Variants in GDPD4 observed in about 807,000 individuals in gnomAD.
GDPD4 encodes glycerophosphodiester phosphodiesterase domain containing 4.
A neutral mutation model predicts 67.8 loss-of-function variants in GDPD4; 60 were observed. That is an observed-to-expected ratio of 0.88 (90% CI 0.72 to 1.10). The LOEUF (loss-of-function observed/expected upper bound fraction) is 1.10, where lower values mean the gene tolerates loss of function less well. Ranked by LOEUF, GDPD4 falls within the 50% of genes least tolerant of loss-of-function variation. GDPD4 has a pLI of 0.00. For synonymous variants in GDPD4, 212 were observed against 210.9 expected, an observed-to-expected ratio of 1.00 and a Z score of -0.04; for missense variants, 623 against 613.9, an observed-to-expected ratio of 1.01 and a Z score of -0.16.
chr11:77,229,574 A>T (rs1165677071), intron 14 of GDPD4, among the ~76,000 whole-genome samples: 2 of 152,216 alleles, frequency 1.3e-5, no homozygotes, highest in Non-Finnish European at 2.9e-5. Context: ...CTTGACTTCT[A>T]CTGCTGTTTT....
At chr11:77,242,733 G>A (rs956404545) in intron 13 of GDPD4, among the ~76,000 whole-genome samples, 18 of 151,760 alleles carry the variant, frequency 1.2e-4, no homozygotes, top group Non-Finnish European at 1.8e-4. Flanking sequence ...CAAAATAGAA[G>A]AGTAGTTGAG....
intron 13 of GDPD4, among the ~76,000 whole-genome samples, chr11:77,237,752 G>A (rs1005838496): frequency 1.3e-5 from 2 of 152,110 alleles, no homozygotes; most frequent in African/African-American, 4.8e-5. Context: ...TTTTAAGTTG[G>A]ATAACAAAGA....
intron 1 of GDPD4, among the ~76,000 whole-genome samples, chr11:77,295,744 A>G (rs1937933267): frequency 6.6e-6 from 1 of 152,252 alleles, no homozygotes; most frequent in South Asian, 2.1e-4. Context: ...AGCATGATCC[A>G]TAATAGAAAA....
intron 11 of GDPD4, among the ~76,000 whole-genome samples, chr11:77,258,150 T>G (rs1469977185): frequency 6.6e-6 from 1 of 152,198 alleles, no homozygotes; most frequent in African/African-American, 2.4e-5. Flanking sequence ...AATTACAAGA[T>G]AAGGGTAAGT....
intron 1 of GDPD4, among the ~76,000 whole-genome samples, chr11:77,298,982 A>T (rs556043588): frequency 8.2e-4 from 125 of 152,232 alleles, no homozygotes; most frequent in African/African-American, 2.9e-3. Flanking sequence ...ATGAGAATTT[A>T]TGGTTTGTAG....
At chr11:77,267,366 T>C (rs931379730) in intron 10 of GDPD4, among the ~76,000 whole-genome samples, 1 of 152,218 alleles carries the variant, frequency 6.6e-6, no homozygotes, top group Non-Finnish European at 1.5e-5. Context: ...GATATGACTG[T>C]ATTTAGTTTT....
chr11:77,225,953 AG>A (rs1341529483), intron 16 of GDPD4, among the ~76,000 whole-genome samples: 1 of 152,016 alleles, frequency 6.6e-6, no homozygotes, highest in African/African-American at 2.4e-5. Flanking sequence ...TATCTCTTTG[AG>A]GTACCCAAAT....
At chr11:77,282,346 G>C (rs1959792740) in intron 3 of GDPD4, among the ~76,000 whole-genome samples, 1 of 151,946 alleles carries the variant, frequency 6.6e-6, no homozygotes, top group Non-Finnish European at 1.5e-5. Flanking sequence ...ATAAAATAAG[G>C]CAAGAAAAGA....
intron 16 of GDPD4, among the ~76,000 whole-genome samples, chr11:77,226,433 C>G (rs1438740811): frequency 6.6e-6 from 1 of 152,058 alleles, no homozygotes; most frequent in Non-Finnish European, 1.5e-5. Flanking sequence ...CCCGAGATCC[C>G]ACTCTCCCAA....
chr11:77,262,133 T>A (rs1959131627), intron 10 of GDPD4, among the ~76,000 whole-genome samples: 1 of 152,236 alleles, frequency 6.6e-6, no homozygotes. Context: ...TATTGTCATC[T>A]TGCTCTTCTT....
At chr11:77,256,744 CCTT>C (rs1959010153) in intron 11 of GDPD4, among the ~76,000 whole-genome samples, 1 of 152,168 alleles carries the variant, frequency 6.6e-6, no homozygotes, top group Non-Finnish European at 1.5e-5. Flanking sequence ...CCTGGTACCT[CCTT>C]CTCTCTTTCT....
chr11:77,217,230 C>T lies in GDPD4; in HGVS notation c.*47G>A. On this transcript the variant is annotated 3_prime_UTR_variant, in exon 17 of 17. Transcript: ENST00000315938. ...AGGGCTGCTAGAGTCCAAGGACCTT[C>T]CACAACTCGGACAGGAGGTTTCATG... The T allele has an allele frequency of 6.9e-7, 1 of 1,451,248 alleles. No homozygotes were observed. Among genetic ancestry groups the T allele is most frequent in the Non-Finnish European group, 9.7e-7 (1 of 1,031,472 alleles). The allele number at this position is 1,451,248 out of a possible 1,614,324, so 89.9% of individuals were successfully genotyped here.
chr11:77,256,797 T>G (rs1959011461), intron 11 of GDPD4, among the ~76,000 whole-genome samples: 1 of 152,192 alleles, frequency 6.6e-6, no homozygotes, highest in Non-Finnish European at 1.5e-5. Context: ...TGCTCCCCCT[T>G]CATCTTCTGC....
chr11:77,297,428 C>T (rs907011136), intron 1 of GDPD4, among the ~76,000 whole-genome samples: 35 of 150,910 alleles, frequency 2.3e-4, no homozygotes, highest in African/African-American at 8.3e-4. Context: ...CCCAGCTAGT[C>T]GGGAGGCTGA....
intron 16 of GDPD4, among the ~76,000 whole-genome samples, chr11:77,221,991 G>A (rs1428184997): frequency 1.3e-5 from 2 of 152,128 alleles, no homozygotes; most frequent in East Asian, 1.9e-4. Flanking sequence ...TAATGGCCTT[G>A]TCTCTTTTGA....
chr11:77,217,106 G>C lies in GDPD4; in HGVS notation c.*171C>G. ...AATCTCATGCTTGCCAGGCTTCAAA[G>C]GTGTGACAGCATTCTTGATAGGTAG... On this transcript the variant is annotated 3_prime_UTR_variant, in exon 17 of 17. Coordinates refer to ENST00000315938, the MANE Select transcript of GDPD4 (RefSeq NM_182833.3). 1 of 713,160 alleles carries C rather than the reference G, an allele frequency of 1.4e-6. No individual in the cohort carries two copies. The highest frequency in any genetic ancestry group is 2.6e-6 in the Non-Finnish European group (1 of 387,422). 44.2% of individuals were successfully genotyped at this position (713,160 alleles called of 1,614,324 possible).
At chr11:77,218,002 TTA>T (rs1368824798) in intron 16 of GDPD4, among the ~76,000 whole-genome samples, 1 of 151,728 alleles carries the variant, frequency 6.6e-6, no homozygotes, top group African/African-American at 2.4e-5. Context: ...TAATTAATTT[TTA>T]AAAGTTTTTT....
chr11:77,288,836 C>T (rs1937661316), intron 1 of GDPD4, among the ~76,000 whole-genome samples: 5 of 152,096 alleles, frequency 3.3e-5, no homozygotes, highest in Non-Finnish European at 7.4e-5. Context: ...GAAATGCCTA[C>T]AAATAATTTA....
Position 77,271,211 on chromosome 11 carries a change from A to G in GDPD4, c.319T>C (p.Tyr107His). The change falls in exon 7 of 17, where the codon TAC becomes CAC. Residue 107 changes from tyrosine to histidine, a missense_variant. Transcript: ENST00000315938. ...AGLSMQIFAP[Y>H]VHLVSITVMV... ...ACAGTTATGCTGACCAGGTGCACGTAGGGAGCAAAGATCTGTGAGAAAGCC... is the reference window on the plus strand; with the variant it reads ...ACAGTTATGCTGACCAGGTGCACGTGGGGAGCAAAGATCTGTGAGAAAGCC... 6.2e-7 allele frequency: 1 copy of G among 1,613,234 alleles called. No individual in the cohort carries two copies. Among genetic ancestry groups the G allele is most frequent in the Non-Finnish European group, 8.5e-7 (1 of 1,179,648 alleles).
Sources: allele counts gnomAD v4.1 joint callset (sites outside exome capture counted in the v4.1 genomes callset), GRCh38; gene constraint gnomAD v4.1.1; transcripts MANE v1.5; gene names NCBI Gene and HGNC (gene_info 2026-07-23, HGNC 2026-07-21).